The following MARCKSL1 variants were observed in gnomAD, a reference collection of about 807,000 sequenced individuals.
MARCKSL1 encodes MARCKS-related protein.
MARCKSL1 carries 5 observed loss-of-function variants against 13.3 expected under a neutral mutation model. That is an observed-to-expected ratio of 0.38 (90% CI 0.20 to 0.79). The LOEUF (loss-of-function observed/expected upper bound fraction) is 0.79. Among genes scored for constraint, MARCKSL1 ranks in the 30% least tolerant of loss-of-function variants. MARCKSL1 has a pLI of 0.45. For synonymous variants in MARCKSL1, 126 were observed against 103.2 expected (o/e 1.22, Z -1.34); for missense variants, 274 against 251.6 (o/e 1.09, Z -0.60).
In MARCKSL1 at chr1:32,336,019, G is replaced by A; in HGVS notation, c.15C>T (p.Ser5=). The A allele has an allele frequency of 7.7e-7, 1 of 1,294,436 alleles. No individual in the cohort carries two copies. The highest frequency in any genetic ancestry group is 9.8e-7 in the Non-Finnish European group (1 of 1,020,652). The allele number at this position is 1,294,436 out of a possible 1,614,324, so 80.2% of individuals were successfully genotyped here. A position where few individuals can be genotyped will look rare whatever the true frequency, so the allele number is the denominator to read the frequency against. ...TCACGTCGCCCCGGGGAGCCTTGGA[G>A]CTCTGGCTGCCCATGATGGGGGTCT... The part of the protein sequence containing the change: MGSQ[S]SKAPRGDVTA... The change falls in exon 1 of 2, where the codon AGC becomes AGT. Residue 5 remains serine, a synonymous_variant. Coordinates refer to ENST00000329421, the MANE Select transcript of MARCKSL1 (RefSeq NM_023009.7).
At position 32,336,071 on chromosome 1, in the gene MARCKSL1, G is replaced by C; in HGVS notation, c.-38C>G. ...CTGGGGGGCGCTTGGAGCCGCCCCG[G>C]GCTCGCGCCGCAGGGGATAGTACGG... On this transcript the variant is annotated 5_prime_UTR_variant, in exon 1 of 2. Coordinates refer to ENST00000329421, the MANE Select transcript of MARCKSL1 (RefSeq NM_023009.7). The C allele has an allele frequency of 1.6e-6, 2 of 1,223,682 alleles. No homozygotes were observed. The highest frequency in any genetic ancestry group is 2.1e-6 in the Non-Finnish European group (2 of 961,910). The allele number at this position is 1,223,682 out of a possible 1,614,324, so 75.8% of individuals were successfully genotyped here. A position where few individuals can be genotyped will look rare whatever the true frequency, so the allele number is the denominator to read the frequency against.
Position 32,336,086 on chromosome 1 carries a change from G to C in MARCKSL1, c.-53C>G. ...AGCCGCCCCGGGCTCGCGCCGCAGG[G>C]GATAGTACGGCGGGGTCGGCCCGGC... On this transcript the variant is annotated 5_prime_UTR_variant, in exon 1 of 2. Coordinates refer to ENST00000329421, the MANE Select transcript of MARCKSL1 (RefSeq NM_023009.7). 1 of 1,109,310 alleles carries C rather than the reference G, an allele frequency of 9.0e-7. No individual in the cohort carries two copies. The highest frequency in any genetic ancestry group is 1.2e-6 in the Non-Finnish European group (1 of 864,100). The allele number at this position is 1,109,310 out of a possible 1,614,324, so 68.7% of individuals were successfully genotyped here.
chr1:32,334,946 A>G lies in MARCKSL1; in HGVS notation c.239T>C (p.Val80Ala). 6.2e-7 allele frequency: 1 copy of G among 1,602,514 alleles called. No homozygotes were observed. The highest frequency in any genetic ancestry group is 1.4e-5 in the African/African-American group (1 of 72,006). Reference protein sequence around the residue: ...PSQGAEAKGEVPPKETPKKKK... With the variant: ...PSQGAEAKGEAPPKETPKKKK... ...CTTCTTGGGGGTCTCCTTGGGGGGG[A>G]CCTCCCCCTTGGCCTCAGCACCCTG... Residue 80 changes from valine to alanine, a missense_variant, in exon 2 of 2, where the codon GTC (valine) becomes GCC (alanine). By Grantham distance (64) the Val-to-Ala change is moderately conservative (BLOSUM62 0). Coordinates refer to ENST00000329421, the MANE Select transcript of MARCKSL1 (RefSeq NM_023009.7).
rs757184686 is a variant in MARCKSL1, at chr1:32,334,357, CACTA to C, written c.*236_*239del. 8 of 420,042 alleles carry C rather than the reference CACTA, an allele frequency of 1.9e-5. No individual in the cohort carries two copies. The highest frequency in any genetic ancestry group is 3.3e-5 in the Non-Finnish European group (8 of 240,022). 26.0% of individuals were successfully genotyped at this position (420,042 alleles called of 1,614,324 possible). On this transcript the variant is annotated 3_prime_UTR_variant, in exon 2 of 2. Coordinates refer to ENST00000329421, the MANE Select transcript of MARCKSL1 (RefSeq NM_023009.7). ...GGCCAGGGACAGGAGCATTTCACAT[CACTA>C]ACCTAACTTGGGAAGCTGTAAGGGA...
Position 32,334,069 on chromosome 1 carries a change from A to G in MARCKSL1, c.*528T>C, listed in dbSNP as rs1309715153. On this transcript the variant is annotated 3_prime_UTR_variant, in exon 2 of 2. Transcript: ENST00000329421. ...GTCAAAAAAGAGACACAGTTGATTC[A>G]CAGGCTGGAGGTTTGAACTTGAGTA... 6.5e-6 allele frequency: 1 copy of G among 152,930 alleles called. No individual in the cohort carries two copies. The highest frequency in any genetic ancestry group is 2.4e-5 in the African/African-American group (1 of 41,456). The allele number at this position is 152,930 out of a possible 1,614,324, so 9.5% of individuals were successfully genotyped here.
chr1:32,334,269 A>G lies in MARCKSL1; in HGVS notation c.*328T>C. 1 of 232,156 alleles carries G rather than the reference A, an allele frequency of 4.3e-6. No homozygotes were observed. The highest frequency in any genetic ancestry group is 8.8e-5 in the East Asian group (1 of 11,360). 14.4% of individuals were successfully genotyped at this position (232,156 alleles called of 1,614,324 possible). A position where few individuals can be genotyped will look rare whatever the true frequency, so the allele number is the denominator to read the frequency against. On this transcript the variant is annotated 3_prime_UTR_variant, in exon 2 of 2. Transcript: ENST00000329421. ...GTAGGGTAAACAAAACCTACTTGGAAAAGAATTGGGGAAGAAAACCAACAA... is the reference window on the plus strand; with the variant it reads ...GTAGGGTAAACAAAACCTACTTGGAGAAGAATTGGGGAAGAAAACCAACAA...
In MARCKSL1 at chr1:32,335,063, G is replaced by C. The variant is rs374147732; in HGVS notation, c.122C>G (p.Ser41Cys). The C allele has an allele frequency of 1.9e-6, 3 of 1,541,134 alleles. No individual in the cohort carries two copies. Among genetic ancestry groups the C allele is most frequent in the South Asian group, 1.3e-5 (1 of 79,896 alleles). ...GGGCGACTCCCCTTCACCCTTGGGG[G>C]ATAAGTCTCCATTGCTTTTCACGTG... is the stretch of plus-strand genomic sequence containing the variant. Reference protein sequence around the residue: ...NGHVKSNGDLSPKGEGESPPV... With the variant: ...NGHVKSNGDLCPKGEGESPPV... Residue 41 changes from serine (S) to cysteine (C), a missense_variant, in exon 2 of 2, where the codon TCC (serine) becomes TGC (cysteine). Ser to Cys is a moderately radical substitution (Grantham distance 112). Coordinates refer to ENST00000329421, the MANE Select transcript of MARCKSL1 (RefSeq NM_023009.7). This position sits in a 1 kb window ranked among gnomAD's most constrained non-coding sequence, Gnocchi z 4.1.
Position 32,334,586 on chromosome 1 carries a change from C to A in MARCKSL1, c.*11G>T. ...TTGCAGCTTAGAGATCACCCACCTG[C>A]CCCTACCTAGCTACTCATTCTGCTC... On this transcript the variant is annotated 3_prime_UTR_variant, in exon 2 of 2. Transcript: ENST00000329421. The A allele has an allele frequency of 6.6e-7, 1 of 1,526,434 alleles. No homozygotes were observed. Among genetic ancestry groups the A allele is most frequent in the Non-Finnish European group, 8.8e-7 (1 of 1,137,282 alleles). The allele number at this position is 1,526,434 out of a possible 1,614,324, so 94.6% of individuals were successfully genotyped here.
rs1301440868 is a variant in MARCKSL1, at chr1:32,335,475, A to G, written c.88-378T>C. Reference sequence around the variant, plus strand: ...CGGGGCGCTGTCTCTCTGCACCTGGACGGCCTATTTTCCCAGCCTCCCGCT... The same window carrying G: ...CGGGGCGCTGTCTCTCTGCACCTGGGCGGCCTATTTTCCCAGCCTCCCGCT... On this transcript the variant is annotated intron_variant, in intron 1 of 1. Transcript: ENST00000329421. The surrounding 1 kb of genome is among the most constrained non-coding windows in gnomAD (Gnocchi z 4.1). 2.7e-5 allele frequency among the ~76,000 whole-genome samples: 4 copies of G among 150,704 alleles called. No homozygotes were observed. The highest frequency in any genetic ancestry group is 9.8e-5 in the African/African-American group (4 of 40,916).
rs768027990 is a variant in MARCKSL1, at chr1:32,334,580, C to T, written c.*17G>A. The T allele has an allele frequency of 3.3e-6, 5 of 1,521,634 alleles. No homozygotes were observed. The highest frequency in any genetic ancestry group is 4.4e-6 in the Non-Finnish European group (5 of 1,135,232). 94.3% of individuals were successfully genotyped at this position (1,521,634 alleles called of 1,614,324 possible). On this transcript the variant is annotated 3_prime_UTR_variant, in exon 2 of 2. Coordinates refer to ENST00000329421, the MANE Select transcript of MARCKSL1 (RefSeq NM_023009.7). ...CAGTTTTTGCAGCTTAGAGATCACC[C>T]ACCTGCCCCTACCTAGCTACTCATT...
At position 32,335,305 on chromosome 1, in the gene MARCKSL1, G is replaced by T. The variant is rs1641368853; in HGVS notation, c.88-208C>A. Among the ~76,000 whole-genome samples the T allele has an allele frequency of 6.6e-6, 1 of 152,102 alleles. No individual in the cohort carries two copies. Among genetic ancestry groups the T allele is most frequent in the African/African-American group, 2.4e-5 (1 of 41,446 alleles). ...GAGCGAGCGCGCAGAGGGCGCGACC[G>T]GCAGGAGGCGCTGGGGTCCCGTGGC... On this transcript the variant is annotated intron_variant, in intron 1 of 1. Coordinates refer to ENST00000329421, the MANE Select transcript of MARCKSL1 (RefSeq NM_023009.7). The surrounding 1 kb of genome is among the most constrained non-coding windows in gnomAD (Gnocchi z 4.1).
Position 32,335,966 on chromosome 1 carries a change from G to A in MARCKSL1, c.68C>T (p.Pro23Leu). ...VTAEEAAGAS[P>L]AKANGQENGH... ...ACCCACCTGGCCGTTGGCCTTCGCG[G>A]GGGAAGCGCCTGCTGCCTCCTCGGC... Residue 23 changes from proline (P) to leucine (L), a missense_variant, in exon 1 of 2, where the codon CCC becomes CTC. Pro to Leu is a moderately conservative substitution (Grantham distance 98). Transcript: ENST00000329421. This position sits in a 1 kb window ranked among gnomAD's most constrained non-coding sequence, Gnocchi z 4.1. The A allele has an allele frequency of 1.5e-6, 2 of 1,294,436 alleles. No homozygotes were observed. Among genetic ancestry groups the A allele is most frequent in the Non-Finnish European group, 2.0e-6 (2 of 1,018,262 alleles). 80.2% of individuals were successfully genotyped at this position (1,294,436 alleles called of 1,614,324 possible).
rs983642951 is a variant in MARCKSL1, at chr1:32,335,186, T to A, written c.88-89A>T. 15 of 1,329,000 alleles carry A rather than the reference T, an allele frequency of 1.1e-5. 1 individual carries two copies. The African/African-American group carries it at 2.2e-4, about 20-fold the overall frequency. 82.3% of individuals were successfully genotyped at this position (1,329,000 alleles called of 1,614,324 possible). On this transcript the variant is annotated intron_variant, in intron 1 of 1. Coordinates refer to ENST00000329421, the MANE Select transcript of MARCKSL1 (RefSeq NM_023009.7). The surrounding 1 kb of genome is among the most constrained non-coding windows in gnomAD (Gnocchi z 4.1). ...CCTTCTAGAGGAAGGGGTCCTCGAT[T>A]CGATTCTACTGCAACCCGAAAGTCT...
Position 32,336,152 on chromosome 1 carries a change from C to G in MARCKSL1, c.-119G>C. 58 of 152,074 alleles carry G rather than the reference C, an allele frequency of 3.8e-4. No homozygotes were observed. The highest frequency in any genetic ancestry group is 5.9e-4 in the East Asian group (3 of 5,114). 9.4% of individuals were successfully genotyped at this position (152,074 alleles called of 1,614,324 possible). A position where few individuals can be genotyped will look rare whatever the true frequency, so the allele number is the denominator to read the frequency against. On this transcript the variant is annotated 5_prime_UTR_variant, in exon 1 of 2. Coordinates refer to ENST00000329421, the MANE Select transcript of MARCKSL1 (RefSeq NM_023009.7). ...GCTGGCGCCCGAGGGGGAGGGGTGC[C>G]GGGGGAAGCCGAGCTGCACCTCCGC...
Position 32,335,747 on chromosome 1 carries a change from C to T in MARCKSL1, c.87+200G>A, listed in dbSNP as rs1034163975. On this transcript the variant is annotated intron_variant, in intron 1 of 1. Coordinates refer to ENST00000329421, the MANE Select transcript of MARCKSL1 (RefSeq NM_023009.7). The surrounding 1 kb of genome is among the most constrained non-coding windows in gnomAD (Gnocchi z 4.1). ...CCGCGAACAAAGAAGGCGGCAGGGC[C>T]CGGCCGGCGCCCCCTCCCCGCCCCT... 6.6e-6 allele frequency among the ~76,000 whole-genome samples: 1 copy of T among 150,916 alleles called. No homozygotes were observed. Among genetic ancestry groups the T allele is most frequent in the Admixed American group, 6.6e-5 (1 of 15,180 alleles).
In MARCKSL1 at chr1:32,334,845, C is replaced by T. The variant is rs1462682550; in HGVS notation, c.340G>A (p.Gly114Ser). 14 of 1,612,410 alleles carry T rather than the reference C, an allele frequency of 8.7e-6. No individual in the cohort carries two copies. Among genetic ancestry groups the T allele is most frequent in the Non-Finnish European group, 1.2e-5 (14 of 1,179,998 alleles). The change falls in exon 2 of 2, where the codon GGT becomes AGT. Residue 114 changes from glycine to serine, a missense_variant. Physicochemically the swap from Gly to Ser is moderately conservative, Grantham distance 56 (BLOSUM62 0). Coordinates refer to ENST00000329421, the MANE Select transcript of MARCKSL1 (RefSeq NM_023009.7). ...SFKRNRKEGGGDSSASSPTEE... is the reference protein window; with the variant it reads ...SFKRNRKEGGSDSSASSPTEE... ...GTGGGTGAGGAGGCAGAAGAATCAC[C>T]CCCACCCTCCTTCCGATTTCTCTTG...
chr1:32,334,640 G>C lies in MARCKSL1; in HGVS notation c.545C>G (p.Pro182Arg). The C allele has an allele frequency of 6.3e-7, 1 of 1,598,052 alleles. No homozygotes were observed. Among genetic ancestry groups the C allele is most frequent in the Non-Finnish European group, 8.5e-7 (1 of 1,172,032 alleles). The change falls in exon 2 of 2, where the codon CCG becomes CGG. Residue 182 changes from proline to arginine, a missense_variant. Coordinates refer to ENST00000329421, the MANE Select transcript of MARCKSL1 (RefSeq NM_023009.7). ...QATEPSTPSG[P>R]ESGPTPASAE... The stretch of plus-strand genomic sequence containing the variant: ...GCTGGCTGGTGTAGGGCCACTCTCC[G>C]GCCCCGAGGGAGTGGATGGCTCTGT...
chr1:32,336,076 G>T lies in MARCKSL1; in HGVS notation c.-43C>A. On this transcript the variant is annotated 5_prime_UTR_variant, in exon 1 of 2. Coordinates refer to ENST00000329421, the MANE Select transcript of MARCKSL1 (RefSeq NM_023009.7). ...GGGCGCTTGGAGCCGCCCCGGGCTC[G>T]CGCCGCAGGGGATAGTACGGCGGGG... 1.7e-6 allele frequency: 2 copies of T among 1,181,248 alleles called. No individual in the cohort carries two copies. Among genetic ancestry groups the T allele is most frequent in the Non-Finnish European group, 2.2e-6 (2 of 926,458 alleles). The allele number at this position is 1,181,248 out of a possible 1,614,324, so 73.2% of individuals were successfully genotyped here. A position where few individuals can be genotyped will look rare whatever the true frequency, so the allele number is the denominator to read the frequency against.
In MARCKSL1 at chr1:32,334,739, G is replaced by A. The variant is rs757352085; in HGVS notation, c.446C>T (p.Pro149Leu). The A allele has an allele frequency of 2.5e-6, 4 of 1,612,168 alleles. No homozygotes were observed. The highest frequency in any genetic ancestry group is 2.5e-6 in the Non-Finnish European group (3 of 1,179,890). ...CTTGGCCTGGGGTTCCTGGCTCTCAGGGGTGGCTGCGGCCTTCCCTTCCTG... is the reference window on the plus strand; with the variant it reads ...CTTGGCCTGGGGTTCCTGGCTCTCAAGGGTGGCTGCGGCCTTCCCTTCCTG... ...TAQEGKAAAT[P>L]ESQEPQAKGA... The change falls in exon 2 of 2, where the codon CCT becomes CTT. Residue 149 changes from proline (P) to leucine (L), a missense_variant. By Grantham distance (98) the Pro-to-Leu change is moderately conservative (BLOSUM62 -3). Coordinates refer to ENST00000329421, the MANE Select transcript of MARCKSL1 (RefSeq NM_023009.7).
Sources: gnomAD v4.1 joint callset for allele counts (sites outside exome capture counted in the v4.1 genomes callset) on GRCh38, gnomAD v4.1.1 for gene constraint, Gnocchi (gnomAD v3.1) non-coding constraint, MANE v1.5 for transcripts, NCBI Gene and HGNC (gene_info 2026-07-23, HGNC 2026-07-21) for gene names.